Variants in KIAA0513 observed in about 807,000 individuals in gnomAD.
KIAA0513 encodes the protein KIAA0513.
A neutral mutation model predicts 56.5 loss-of-function variants in KIAA0513; 39 were observed. The observed-to-expected ratio is 0.69, with a 90% CI of 0.53 to 0.90. KIAA0513 has a LOEUF of 0.90. Ranked by LOEUF, KIAA0513 falls within the 40% of genes least tolerant of loss-of-function variation. The pLI, the probability that KIAA0513 is intolerant of heterozygous loss-of-function variation, is 0.00. For missense variants in KIAA0513, 591 were observed against 535.2 expected (o/e 1.10, Z -1.03); for synonymous variants, 268 against 215.6 (o/e 1.24, Z -2.13).
intron 1 of KIAA0513, among the ~76,000 whole-genome samples, chr16:85,054,830 A>G (rs867786135): frequency 3.3e-5 from 5 of 152,064 alleles, no homozygotes; most frequent in South Asian, 2.1e-4. Flanking sequence ...GGGGATGGCA[A>G]TGTTGTACGT....
intron 7 of KIAA0513, 71 bp from the exon 8 acceptor site, chr16:85,078,854 T>C: frequency 6.6e-7 from 1 of 1,522,028 alleles, no homozygotes; most frequent in African/African-American, 1.4e-5. Flanking sequence ...GCTGGGAGGC[T>C]GTCACCCGGG....
chr16:85,073,260 C>G (rs995859063), intron 4 of KIAA0513, among the ~76,000 whole-genome samples: 1 of 152,200 alleles, frequency 6.6e-6, no homozygotes, highest in African/African-American at 2.4e-5. Flanking sequence ...TGTGTGGGTC[C>G]TCAGGGCCAG....
intron 4 of KIAA0513, 129 bp downstream of exon 4, chr16:85,073,127 C>G: frequency 1.3e-6 from 1 of 787,984 alleles, no homozygotes; most frequent in East Asian, 2.5e-5. Flanking sequence ...GTTGCAGTTG[C>G]TCTGCTACGC....
chr16:85,046,310 T>C (rs763266052), intron 1 of KIAA0513, among the ~76,000 whole-genome samples: 2 of 152,170 alleles, frequency 1.3e-5, no homozygotes, highest in South Asian at 4.1e-4. Flanking sequence ...TAACCTGGAG[T>C]GCTTTCTACA....
At chr16:85,036,854 A>G (rs2073043048) in intron 1 of KIAA0513, among the ~76,000 whole-genome samples, 1 of 152,208 alleles carries the variant, frequency 6.6e-6, no homozygotes, top group Non-Finnish European at 1.5e-5. Context: ...TCCCAGAAGG[A>G]AAGCCATGCA....
Position 85,081,177 on chromosome 16 carries a change from TCAGC to T in KIAA0513, c.903-136_903-133del. On this transcript the variant is annotated intron_variant, in intron 8 of 12. Coordinates refer to ENST00000683363, the MANE Select transcript of KIAA0513 (RefSeq NM_001388359.1). The surrounding 1 kb of genome is among the most constrained non-coding windows in gnomAD (Gnocchi z 4.4). ...AAGCCATATGCTCAGTTTTTCCTTC[TCAGC>T]CCTACCTCTCTGAGACTTCTTAGAA... 1.3e-6 allele frequency: 1 copy of T among 764,574 alleles called. No homozygotes were observed. Among genetic ancestry groups the T allele is most frequent in the Admixed American group, 2.0e-5 (1 of 49,344 alleles). The allele number at this position is 764,574 out of a possible 1,614,324, so 47.4% of individuals were successfully genotyped here.
chr16:85,090,814 C>T lies in KIAA0513; in HGVS notation c.*2489C>T, dbSNP rs1279216581. 6.5e-6 allele frequency: 1 copy of T among 152,682 alleles called. No homozygotes were observed. Among genetic ancestry groups the T allele is most frequent in the African/African-American group, 2.4e-5 (1 of 41,466 alleles). The allele number at this position is 152,682 out of a possible 1,614,324, so 9.5% of individuals were successfully genotyped here. ...TCCTTCCGGCTGTGGCTGACAGTGG[C>T]TCTGGCCAGGGTTGCTTGGAGAAGG... On this transcript the variant is annotated 3_prime_UTR_variant, in exon 13 of 13. Coordinates refer to ENST00000683363, the MANE Select transcript of KIAA0513 (RefSeq NM_001388359.1).
chr16:85,085,664 G>A (rs1373987074), intron 10 of KIAA0513, among the ~76,000 whole-genome samples: 1 of 152,184 alleles, frequency 6.6e-6, no homozygotes, highest in East Asian at 1.9e-4. Flanking sequence ...GGAAGGAGCC[G>A]GCAACACAGA....
At chr16:85,066,250 A>G (rs1262337663) in intron 1 of KIAA0513, among the ~76,000 whole-genome samples, 2 of 152,126 alleles carry the variant, frequency 1.3e-5, no homozygotes, top group Non-Finnish European at 2.9e-5. Context: ...TGGCGGAGGA[A>G]AAAGTTGGGG....
chr16:85,082,457 G>T, intron 9 of KIAA0513, 107 bp from the exon 10 acceptor site: 1 of 1,071,086 alleles, frequency 9.3e-7, no homozygotes, highest in South Asian at 1.3e-5. Context: ...GTCCCGCTCC[G>T]TTTCTGCCTG....
chr16:85,092,968 C>T lies in KIAA0513; in HGVS notation c.*4643C>T, dbSNP rs2073885092. 1 of 152,370 alleles carries T rather than the reference C, an allele frequency of 6.6e-6. No homozygotes were observed. Among genetic ancestry groups the T allele is most frequent in the Admixed American group, 6.5e-5 (1 of 15,280 alleles). 9.4% of individuals were successfully genotyped at this position (152,370 alleles called of 1,614,324 possible). ...GGAAGCCGCCCTCCATACAGGCCCTCAGGGGGCCTGCCTTCTGCGCCTCAG... is the reference window on the plus strand; with the variant it reads ...GGAAGCCGCCCTCCATACAGGCCCTTAGGGGGCCTGCCTTCTGCGCCTCAG... On this transcript the variant is annotated 3_prime_UTR_variant, in exon 13 of 13. Coordinates refer to ENST00000683363, the MANE Select transcript of KIAA0513 (RefSeq NM_001388359.1).
chr16:85,039,397 G>A (rs1262399167), intron 1 of KIAA0513, among the ~76,000 whole-genome samples: 1 of 152,144 alleles, frequency 6.6e-6, no homozygotes. Context: ...CAACCTCCTG[G>A]GATGAAGTGA....
chr16:85,047,141 G>A (rs2143897719), intron 1 of KIAA0513, among the ~76,000 whole-genome samples: 1 of 152,310 alleles, frequency 6.6e-6, no homozygotes, highest in East Asian at 1.9e-4. Flanking sequence ...ATTCTGCTGT[G>A]GGTTTTGGTG....
intron 1 of KIAA0513, among the ~76,000 whole-genome samples, chr16:85,061,929 C>T (rs1475140697): frequency 3.9e-5 from 6 of 152,156 alleles, no homozygotes; most frequent in Admixed American, 2.0e-4. Context: ...TTGGCCTTCC[C>T]GGTTCTTGAA....
chr16:85,071,742 G>GA (rs2073577391), intron 2 of KIAA0513, 41 bp from the exon 3 acceptor site: 4 of 1,091,364 alleles, frequency 3.7e-6, no homozygotes, highest in Non-Finnish European at 5.1e-6. Flanking sequence ...ATTGAAAAGG[G>GA]TTTTTTTTTT....
intron 1 of KIAA0513, among the ~76,000 whole-genome samples, chr16:85,036,913 G>C (rs1315970218): frequency 6.6e-6 from 1 of 152,086 alleles, no homozygotes; most frequent in African/African-American, 2.4e-5. Context: ...GGAAGAACCT[G>C]ACTTGAGAAA....
rs1019831715 is a variant in KIAA0513, at chr16:85,081,566, G to T, written c.980+174G>T. On this transcript the variant is annotated intron_variant, in intron 9 of 12. Transcript: ENST00000683363. This position sits in a 1 kb window ranked among gnomAD's most constrained non-coding sequence, Gnocchi z 4.4. ...GCTGCCTGAGGGGTCACAGCTTCAT[G>T]GGTGGGGGTGCTCAGCTTGCATGAG... 6.6e-6 allele frequency among the ~76,000 whole-genome samples: 1 copy of T among 152,226 alleles called. No homozygotes were observed. Among genetic ancestry groups the T allele is most frequent in the Admixed American group, 6.5e-5 (1 of 15,302 alleles).
chr16:85,079,948 C>T (rs376155368), intron 8 of KIAA0513, among the ~76,000 whole-genome samples: 2 of 152,202 alleles, frequency 1.3e-5, no homozygotes, highest in East Asian at 1.9e-4. Flanking sequence ...AGCCTCTCCT[C>T]GACATATTTT....
intron 1 of KIAA0513, among the ~76,000 whole-genome samples, chr16:85,031,046 A>T (rs138554989): frequency 6.6e-6 from 1 of 152,240 alleles, no homozygotes; most frequent in Non-Finnish European, 1.5e-5. Context: ...GCAGAAAAAA[A>T]TAAGCATATT....
Sources: allele counts gnomAD v4.1 joint callset (sites outside exome capture counted in the v4.1 genomes callset), GRCh38; gene constraint gnomAD v4.1.1; non-coding constraint Gnocchi (gnomAD v3.1); transcripts MANE v1.5; gene names NCBI Gene and HGNC (gene_info 2026-07-23, HGNC 2026-07-21).